Variants in SPEN observed in about 807,000 individuals in gnomAD.
SPEN encodes the protein msx2-interacting protein.
A neutral mutation model predicts 269.9 loss-of-function variants in SPEN; 18 were observed. The observed-to-expected ratio is 0.07, with a 90% confidence interval of 0.05 to 0.10. The LOEUF (loss-of-function observed/expected upper bound fraction) is 0.10. Ranked by LOEUF, SPEN falls within the 10% of genes least tolerant of loss-of-function variation. The pLI is 1.00. For missense variants in SPEN, 3,822 were observed against 4,631.2 expected (o/e 0.83, Z 5.07); for synonymous variants, 1,726 against 1,765.7 (o/e 0.98, Z 0.56).
intron 3 of SPEN, among the ~76,000 whole-genome samples, chr1:15,883,379 C>T (rs1406317221): frequency 1.3e-5 from 2 of 152,154 alleles, no homozygotes; most frequent in East Asian, 1.9e-4. Flanking sequence ...AGTCTTATGT[C>T]TCTCTCTTCT....
chr1:15,923,493 A>T (rs1395126655), intron 10 of SPEN, among the ~76,000 whole-genome samples: 1 of 152,184 alleles, frequency 6.6e-6, no homozygotes, highest in African/African-American at 2.4e-5. Context: ...AGTTCAAAGT[A>T]TGAAAAGGGC....
rs1179822635 is a variant in SPEN, at chr1:15,848,032, G to T, written c.-36G>T. 2.2e-6 allele frequency: 3 copies of T among 1,361,734 alleles called. No homozygotes were observed. The African/African-American group carries it at 4.5e-5, about 20-fold the overall frequency. The allele number at this position is 1,361,734 out of a possible 1,614,324, so 84.4% of individuals were successfully genotyped here. A position where few individuals can be genotyped will look rare whatever the true frequency, so the allele number is the denominator to read the frequency against. On this transcript the variant is annotated 5_prime_UTR_variant, in exon 1 of 15. Transcript: ENST00000375759. This position sits in a 1 kb window ranked among gnomAD's most constrained non-coding sequence, Gnocchi z 5.1. The stretch of plus-strand genomic sequence containing the variant: ...GGTCTCGTACGAAGCCGGCGAGGGG[G>T]AGCCAGCAGCGGCGGTCGCCGGCAC...
In SPEN at chr1:15,931,786, G is replaced by A. The variant is rs867497648; in HGVS notation, c.5546G>A (p.Arg1849Gln). ...PVTRKSERIDREKLKRSNSPR... is the reference protein window; with the variant it reads ...PVTRKSERIDQEKLKRSNSPR... ...ACAAGGAAGAGTGAGAGGATAGACC[G>A]GGAAAAACTCAAGCGGTCCAATTCT... The change falls in exon 11 of 15, where the codon CGG (arginine) becomes CAG (glutamine). Residue 1849 changes from arginine (R) to glutamine (Q), a missense_variant. Physicochemically the swap from Arg to Gln is conservative, Grantham distance 43. Around this residue, in one of 16 missense-constraint regions of SPEN, gnomAD observed 533 missense variants for 618.8 expected, o/e 0.86. Transcript: ENST00000375759. The surrounding 1 kb of genome is among the most constrained non-coding windows in gnomAD (Gnocchi z 4.8). 1.9e-6 allele frequency: 3 copies of A among 1,614,032 alleles called. No homozygotes were observed. The highest frequency in any genetic ancestry group is 1.3e-5 in the African/African-American group (1 of 74,930).
chr1:15,897,303 C>G (rs1251695068), intron 3 of SPEN, among the ~76,000 whole-genome samples: 2 of 151,894 alleles, frequency 1.3e-5, no homozygotes, highest in African/African-American at 2.4e-5. Context: ...ATTCTCCTGT[C>G]TCAGCCACCC....
intron 3 of SPEN, among the ~76,000 whole-genome samples, chr1:15,882,291 C>T (rs1189668326): frequency 6.6e-6 from 1 of 152,024 alleles, no homozygotes; most frequent in African/African-American, 2.4e-5. Flanking sequence ...ATTTTAAAAT[C>T]CCTTGATTGA....
chr1:15,920,581 G>A (rs2071108734), intron 8 of SPEN, among the ~76,000 whole-genome samples: 1 of 151,940 alleles, frequency 6.6e-6, no homozygotes, highest in South Asian at 2.1e-4. Context: ...ATACTTTACT[G>A]AAATACAATA....
intron 3 of SPEN, among the ~76,000 whole-genome samples, chr1:15,897,416 G>A (rs981865462): frequency 1.3e-5 from 2 of 150,912 alleles, no homozygotes; most frequent in African/African-American, 4.9e-5. Context: ...AGGGTGGAGT[G>A]CAGTGGCGTA....
intron 1 of SPEN, among the ~76,000 whole-genome samples, chr1:15,859,140 G>GTTTT (rs34623941): frequency 0.034 from 4,642 of 135,620 alleles, 299 homozygotes; most frequent in African/African-American, 0.12. Context: ...TTCTTTTTTA[G>GTTTT]TTTTTTTTTT....
At position 15,911,208 on chromosome 1, in the gene SPEN, C is replaced by T; in HGVS notation, c.1150C>T (p.Arg384Trp). ...AGAGAGGTATGGTCTGGTATTCTTT[C>T]GGCAGCAAGAGGACCAAGAAAAAGC... ...SEERYGLVFF[R>W]QQEDQEKALT... Residue 384 changes from arginine (R) to tryptophan (W), a missense_variant, in exon 5 of 15, where the codon CGG becomes TGG. By Grantham distance (101) the Arg-to-Trp change is moderately radical. Around this residue, in one of 16 missense-constraint regions of SPEN, gnomAD observed 230 missense variants for 426.1 expected, o/e 0.54. Coordinates refer to ENST00000375759, the MANE Select transcript of SPEN (RefSeq NM_015001.3). 6.2e-7 allele frequency: 1 copy of T among 1,614,104 alleles called. No individual in the cohort carries two copies. Among genetic ancestry groups the T allele is most frequent in the Non-Finnish European group, 8.5e-7 (1 of 1,180,008 alleles).
intron 8 of SPEN, 147 bp downstream of exon 8, chr1:15,919,664 G>C: frequency 2.0e-6 from 1 of 491,572 alleles, no homozygotes; most frequent in Non-Finnish European, 3.6e-6. Flanking sequence ...GTCAATAAGG[G>C]CATTTGCATC....
chr1:15,927,774 A>G (rs999490084), intron 10 of SPEN, among the ~76,000 whole-genome samples: 1 of 152,352 alleles, frequency 6.6e-6, no homozygotes, highest in East Asian at 1.9e-4. Flanking sequence ...TAGCCACATT[A>G]AAAAGACAAA....
At position 15,847,756 on chromosome 1, in the gene SPEN, C is replaced by A. The variant is rs541484418; in HGVS notation, c.-312C>A. 1.1e-3 allele frequency: 209 copies of A among 196,390 alleles called. 1 individual carries two copies. The highest frequency in any genetic ancestry group is 4.7e-3 in the African/African-American group (203 of 43,300). 12.2% of individuals were successfully genotyped at this position (196,390 alleles called of 1,614,324 possible). On this transcript the variant is annotated 5_prime_UTR_variant, in exon 1 of 15. Coordinates refer to ENST00000375759, the MANE Select transcript of SPEN (RefSeq NM_015001.3). ...GCGCCAGCTCCGTCGTAGTCGCTGC[C>A]GCCCGTGTCCCGCTCGCCCCTCCTC... is the stretch of plus-strand genomic sequence containing the variant.
At chr1:15,868,179 A>G (rs1443422445) in intron 1 of SPEN, among the ~76,000 whole-genome samples, 3 of 150,656 alleles carry the variant, frequency 2.0e-5, no homozygotes, top group East Asian at 1.9e-4. Context: ...ATTTATATAC[A>G]TATATATTTA....
intron 4 of SPEN, among the ~76,000 whole-genome samples, chr1:15,910,353 C>A (rs182219262): frequency 1.2e-3 from 190 of 152,114 alleles, no homozygotes; most frequent in East Asian, 5.8e-4. Flanking sequence ...TATGATTCAT[C>A]TGTAAAGGAT....
At chr1:15,927,609 G>A (rs1400263094) in intron 10 of SPEN, among the ~76,000 whole-genome samples, 4 of 152,178 alleles carry the variant, frequency 2.6e-5, no homozygotes, top group Non-Finnish European at 5.9e-5. Flanking sequence ...GGGAGACTTA[G>A]GTAGGAGTGT....
At chr1:15,868,789 A>G (rs2070543894) in intron 1 of SPEN, among the ~76,000 whole-genome samples, 1 of 152,190 alleles carries the variant, frequency 6.6e-6, no homozygotes, top group Non-Finnish European at 1.5e-5. Flanking sequence ...ATTTAGATTT[A>G]TCATTGACTT....
At chr1:15,918,851 A>G in intron 6 of SPEN, 75 bp from the exon 7 acceptor site, 1 of 1,236,596 alleles carries the variant, frequency 8.1e-7, no homozygotes. Context: ...AGAAATAAAT[A>G]CCCTATATGG....
intron 2 of SPEN, chr1:15,873,641 C>G (rs1238927095): frequency 2.0e-6 from 2 of 995,064 alleles, no homozygotes; most frequent in African/African-American, 3.5e-5. Context: ...GATTCAACCA[C>G]TTGGATTCTA....
intron 3 of SPEN, among the ~76,000 whole-genome samples, chr1:15,883,895 C>G (rs919533801): frequency 6.7e-6 from 1 of 150,170 alleles, no homozygotes; most frequent in African/African-American, 2.5e-5. Context: ...CTGCAAGCTC[C>G]GCCTCCTGGG....
Sources: gnomAD v4.1 joint callset for allele counts (sites outside exome capture counted in the v4.1 genomes callset) on GRCh38, gnomAD v4.1.1 for gene constraint, gnomAD v4.1.1 regional missense constraint, Gnocchi (gnomAD v3.1) non-coding constraint, MANE v1.5 for transcripts, NCBI Gene and HGNC (gene_info 2026-07-23, HGNC 2026-07-21) for gene names.